Variants in CXXC4 observed in about 807,000 individuals in gnomAD.
The protein encoded by CXXC4 is CXXC-type zinc finger protein 4.
Under a neutral mutation model 20.5 loss-of-function variants are expected in CXXC4, and 5 were observed. That is an observed-to-expected ratio of 0.24 (90% CI 0.13 to 0.51). The LOEUF (loss-of-function observed/expected upper bound fraction) is 0.51, where lower values mean the gene tolerates loss of function less well. Among genes scored for constraint, CXXC4 ranks in the 20% least tolerant of loss-of-function variants. The pLI, the probability that CXXC4 is intolerant of heterozygous loss-of-function variation, is 0.97. For missense variants in CXXC4, 419 were observed against 496.4 expected (o/e 0.84, Z 1.48); for synonymous variants, 250 against 216.4 (o/e 1.16, Z -1.36).
At position 104,490,939 on chromosome 4, in the gene CXXC4, G is replaced by A. The variant is rs146939312; in HGVS notation, c.864C>T (p.Ser288=). The A allele has an allele frequency of 6.2e-7, 1 of 1,609,048 alleles. No homozygotes were observed. Among genetic ancestry groups the A allele is most frequent in the Non-Finnish European group, 8.5e-7 (1 of 1,177,858 alleles). ...CGCCAGCTCCCCCTGAGGAGGACGA[G>A]GAGGAGGAGGAATGATTCTGCGGGC... ...ADCPQNHSSS[S]SSSSGGAGGA... Residue 288 remains serine (S), a synonymous_variant, in exon 2 of 3, where the codon TCC becomes TCT. Transcript: ENST00000394767.
intron 2 of CXXC4, among the ~76,000 whole-genome samples, chr4:104,487,492 T>G (rs1451377916): frequency 6.6e-6 from 1 of 152,208 alleles, no homozygotes; most frequent in Non-Finnish European, 1.5e-5. Flanking sequence ...ATGTTACTGT[T>G]GTGAATATAA....
chr4:104,475,908 G>C (rs1365161224), intron 2 of CXXC4, among the ~76,000 whole-genome samples: 1 of 152,090 alleles, frequency 6.6e-6, no homozygotes, highest in Non-Finnish European at 1.5e-5. Flanking sequence ...TGTTCATGCA[G>C]GTGCAAACGC....
chr4:104,487,021 A>C (rs910491217), intron 2 of CXXC4, among the ~76,000 whole-genome samples: 1 of 152,002 alleles, frequency 6.6e-6, no homozygotes. Context: ...TTTTCTGCCA[A>C]CCCCCTTAGA....
intron 2 of CXXC4, among the ~76,000 whole-genome samples, chr4:104,488,960 G>A (rs1736764735): frequency 6.6e-6 from 1 of 152,082 alleles, no homozygotes; most frequent in African/African-American, 2.4e-5. Context: ...CATTTCAAGA[G>A]GAAAAATAAA....
In CXXC4 at chr4:104,491,729, G is replaced by A. The variant is rs1168856549; in HGVS notation, c.74C>T (p.Pro25Leu). The change falls in exon 2 of 3, where the codon CCC (proline) becomes CTC (leucine). Residue 25 changes from proline (P) to leucine (L), a missense_variant. Transcript: ENST00000394767. ...CACAAGGCTGTTCAGAGCCCCCTCG[G>A]GCAAGTGGCTTTCCTTGGGCAAGCC... ...APGLPKESHL[P>L]EGALNSLVDY... is the part of the protein sequence containing the mutation. 6.5e-7 allele frequency: 1 copy of A among 1,544,014 alleles called. No homozygotes were observed. Among genetic ancestry groups the A allele is most frequent in the Non-Finnish European group, 8.7e-7 (1 of 1,144,086 alleles).
intron 2 of CXXC4, among the ~76,000 whole-genome samples, chr4:104,486,069 C>T (rs72660646): frequency 0.15 from 23,186 of 151,928 alleles, 2,318 homozygotes; most frequent in Non-Finnish European, 0.21. Flanking sequence ...GGTTGAATTT[C>T]AAACATTCTT....
At chr4:104,490,022 T>G (rs1335114424) in intron 2 of CXXC4, among the ~76,000 whole-genome samples, 1 of 152,352 alleles carries the variant, frequency 6.6e-6, no homozygotes, top group South Asian at 2.1e-4. Flanking sequence ...AAAATAATTT[T>G]TAAACAAAAT....
At chr4:104,484,983 T>C (rs909934799) in intron 2 of CXXC4, among the ~76,000 whole-genome samples, 2 of 152,046 alleles carry the variant, frequency 1.3e-5, no homozygotes, top group African/African-American at 4.8e-5. Context: ...AGCAAAATGC[T>C]AGATTTAAAA....
In CXXC4 at chr4:104,468,885, G is replaced by A. The variant is rs1736190120; in HGVS notation, c.*3437C>T. 6.6e-6 allele frequency: 1 copy of A among 151,942 alleles called. No homozygotes were observed. Among genetic ancestry groups the A allele is most frequent in the Non-Finnish European group, 1.5e-5 (1 of 67,972 alleles). The allele number at this position is 151,942 out of a possible 1,614,324, so 9.4% of individuals were successfully genotyped here. A position where few individuals can be genotyped will look rare whatever the true frequency, so the allele number is the denominator to read the frequency against. Reference sequence around the variant, plus strand: ...GATTACAGATACTTATCAGCTTAAAGACTTTATATGCTTTAGCATTAATTG... The same window carrying A: ...GATTACAGATACTTATCAGCTTAAAAACTTTATATGCTTTAGCATTAATTG... On this transcript the variant is annotated 3_prime_UTR_variant, in exon 3 of 3. Coordinates refer to ENST00000394767, the MANE Select transcript of CXXC4 (RefSeq NM_025212.4).
At position 104,489,963 on chromosome 4, in the gene CXXC4, T is replaced by C. The variant is rs534890738; in HGVS notation, c.1059+781A>G. On this transcript the variant is annotated intron_variant, in intron 2 of 2. Transcript: ENST00000394767. ...TGTCCAATGCAGAGCCCAGGGGAAA[T>C]ACTTTTTTTGTAACTGAGTTTTAGA... 3.3e-5 allele frequency among the ~76,000 whole-genome samples: 5 copies of C among 152,280 alleles called. No homozygotes were observed. In the East Asian group the frequency reaches 7.7e-4, roughly 24 times the overall value.
chr4:104,491,791 A>G lies in CXXC4; in HGVS notation c.12T>C (p.Asn4=). The change falls in exon 2 of 3, where the codon AAT becomes AAC. Residue 4 remains asparagine, a synonymous_variant. Transcript: ENST00000394767. ...GGCTCGGCCCGGGCTCCACGCAGAC[A>G]TTGGTGTTCATGGTGCAGGGGGGGA... The part of the protein sequence containing the change: MNT[N]VCVEPGPSPE... 4.2e-6 allele frequency: 6 copies of G among 1,431,476 alleles called. No homozygotes were observed. The highest frequency in any genetic ancestry group is 1.5e-5 in the African/African-American group (1 of 66,490). The allele number at this position is 1,431,476 out of a possible 1,614,324, so 88.7% of individuals were successfully genotyped here.
chr4:104,472,272 T>C lies in CXXC4; in HGVS notation c.*50A>G. On this transcript the variant is annotated 3_prime_UTR_variant, in exon 3 of 3. Transcript: ENST00000394767. ...TAAGCAGTTTCTTAAAACAAGACAT[T>C]AGTTTGCCCTTCATTTCCAAATGCC... The C allele has an allele frequency of 1.6e-6, 2 of 1,220,996 alleles. No individual in the cohort carries two copies. Among genetic ancestry groups the C allele is most frequent in the Non-Finnish European group, 2.4e-6 (2 of 849,302 alleles). The allele number at this position is 1,220,996 out of a possible 1,614,324, so 75.6% of individuals were successfully genotyped here.
chr4:104,476,471 T>G (rs920187796), intron 2 of CXXC4, among the ~76,000 whole-genome samples: 3 of 152,170 alleles, frequency 2.0e-5, no homozygotes, highest in Admixed American at 2.0e-4. Context: ...ATATGTGGAT[T>G]GGCCATTCAT....
chr4:104,484,006 T>C (rs1736620839), intron 2 of CXXC4, among the ~76,000 whole-genome samples: 1 of 151,956 alleles, frequency 6.6e-6, no homozygotes, highest in East Asian at 1.9e-4. Flanking sequence ...TCAAGTCATA[T>C]CTTTGCCAAC....
At chr4:104,473,561 G>C (rs1736329595) in intron 2 of CXXC4, among the ~76,000 whole-genome samples, 1 of 151,826 alleles carries the variant, frequency 6.6e-6, no homozygotes, top group African/African-American at 2.4e-5. Flanking sequence ...TGAATATACA[G>C]TGAAGGTATG....
At chr4:104,480,167 C>G (rs1341313918) in intron 2 of CXXC4, among the ~76,000 whole-genome samples, 2 of 152,046 alleles carry the variant, frequency 1.3e-5, no homozygotes, top group African/African-American at 4.8e-5. Flanking sequence ...CATGAACTAC[C>G]TCTTTTTCTA....
intron 2 of CXXC4, among the ~76,000 whole-genome samples, chr4:104,484,763 T>G (rs1736640959): frequency 6.6e-6 from 1 of 152,036 alleles, no homozygotes; most frequent in South Asian, 2.1e-4. Context: ...TTCAACATTA[T>G]TAAATGGCTG....
chr4:104,468,392 A>G lies in CXXC4; in HGVS notation c.*3930T>C, dbSNP rs962477413. ...GGGCAAATTGAATGTGATTTTTTTT[A>G]CTTTTTTTTTTTTTTTACAGTTTTG... On this transcript the variant is annotated 3_prime_UTR_variant, in exon 3 of 3. Coordinates refer to ENST00000394767, the MANE Select transcript of CXXC4 (RefSeq NM_025212.4). 1.1e-5 allele frequency: 1 copy of G among 87,836 alleles called. No individual in the cohort carries two copies. Among genetic ancestry groups the G allele is most frequent in the East Asian group, 2.2e-4 (1 of 4,522 alleles). The allele number at this position is 87,836 out of a possible 1,614,324, so 5.4% of individuals were successfully genotyped here.
At chr4:104,477,302 C>T (rs573577516) in intron 2 of CXXC4, among the ~76,000 whole-genome samples, 44 of 151,638 alleles carry the variant, frequency 2.9e-4, no homozygotes, top group African/African-American at 9.4e-4. Flanking sequence ...CCTTTTTTTT[C>T]TGATTTGATT....
Sources: allele counts gnomAD v4.1 joint callset (sites outside exome capture counted in the v4.1 genomes callset), GRCh38; gene constraint gnomAD v4.1.1; transcripts MANE v1.5; gene names NCBI Gene and HGNC (gene_info 2026-07-23, HGNC 2026-07-21).